STK3: variants seen among roughly 807,000 people sequenced by gnomAD.
The protein encoded by STK3 is serine/threonine kinase 3.
Under a neutral mutation model 58.0 loss-of-function variants are expected in STK3, and 41 were observed. The ratio of observed to expected loss-of-function variants is 0.71; its 90% CI spans 0.55 to 0.92. STK3 has a LOEUF of 0.92. Ranked by LOEUF, STK3 falls within the 40% of genes least tolerant of loss-of-function variation. The pLI, the probability that STK3 is intolerant of heterozygous loss-of-function variation, is 0.00. For synonymous variants in STK3, 170 were observed against 191.0 expected, an observed-to-expected ratio of 0.89 and a Z score of 0.91; for missense variants, 479 against 602.7, an observed-to-expected ratio of 0.79 and a Z score of 2.15.
At chr8:98,849,801 C>T (rs1321041240) in intron 3 of STK3, among the ~76,000 whole-genome samples, 2 of 152,054 alleles carry the variant, frequency 1.3e-5, no homozygotes, top group Non-Finnish European at 2.9e-5. Flanking sequence ...ATTTTTACTC[C>T]TTGTTCAATT....
At chr8:98,401,895 C>A (rs116800711) in intron 3 of STK3, among the ~76,000 whole-genome samples, 1 of 152,024 alleles carries the variant, frequency 6.6e-6, no homozygotes, top group African/African-American at 2.4e-5. Flanking sequence ...AGGTTACAGA[C>A]GAGCAATTAT....
intron 10 of STK3, among the ~76,000 whole-genome samples, chr8:98,460,476 G>A (rs963414514): frequency 2.6e-5 from 4 of 152,308 alleles, no homozygotes; most frequent in South Asian, 4.2e-4. Flanking sequence ...GAGTTAACAC[G>A]TTGGGGAACT....
chr8:98,834,643 G>A (rs764705236), intron 3 of STK3, among the ~76,000 whole-genome samples: 15 of 152,284 alleles, frequency 9.9e-5, no homozygotes, highest in African/African-American at 1.9e-4. Flanking sequence ...ATTTTCCCCC[G>A]TGTCTTCACA....
chr8:98,891,624 TGTGA>T (rs1321790641), intron 1 of STK3, among the ~76,000 whole-genome samples: 1 of 138,568 alleles, frequency 7.2e-6, no homozygotes, highest in Non-Finnish European at 1.6e-5. Context: ...TGTGTGTGTG[TGTGA>T]GAGAGAGAGA....
chr8:98,777,827 T>C (rs1232404059), intron 1 of STK3, among the ~76,000 whole-genome samples: 1 of 152,222 alleles, frequency 6.6e-6, no homozygotes, highest in Non-Finnish European at 1.5e-5. Flanking sequence ...GCTAGCCATA[T>C]GTAGAAAGCT....
At chr8:98,369,117 A>T (rs1272598568), downstream of STK3, among the ~76,000 whole-genome samples, 1 of 152,196 alleles carries the variant, frequency 6.6e-6, no homozygotes, top group Non-Finnish European at 1.5e-5. Context: ...TCAGGAAAGG[A>T]TGTGATAATT....
chr8:98,915,273 G>C (rs1839299553), intron 1 of STK3, among the ~76,000 whole-genome samples: 1 of 151,664 alleles, frequency 6.6e-6, no homozygotes. Flanking sequence ...TAACCTCCCG[G>C]ACTATATCTT....
chr8:98,712,073 A>C (rs1327402439), intron 4 of STK3, among the ~76,000 whole-genome samples: 1 of 152,186 alleles, frequency 6.6e-6, no homozygotes. Flanking sequence ...CTTTACAGAC[A>C]AGCAAAGGCT....
intron 1 of STK3, among the ~76,000 whole-genome samples, chr8:98,818,760 T>C (rs994022512): frequency 6.6e-6 from 1 of 152,226 alleles, no homozygotes; most frequent in Non-Finnish European, 1.5e-5. Flanking sequence ...ACTCCTATGA[T>C]GTACTTTCAG....
At chr8:98,473,267 C>G (rs1467911930) in intron 10 of STK3, among the ~76,000 whole-genome samples, 4 of 152,262 alleles carry the variant, frequency 2.6e-5, no homozygotes, top group South Asian at 4.1e-4. Flanking sequence ...AATTCGCATA[C>G]CTGCCTCCGA....
chr8:98,380,961 TC>T (rs1289335942), intron 1 of STK3, among the ~76,000 whole-genome samples: 5 of 121,366 alleles, frequency 4.1e-5, no homozygotes, highest in Non-Finnish European at 8.4e-5. Context: ...TTTCTCTCTC[TC>T]CTTTTTTTTT....
At chr8:98,390,330 C>T (rs1235729891), upstream of STK3, among the ~76,000 whole-genome samples, 1 of 152,112 alleles carries the variant, frequency 6.6e-6, no homozygotes, top group Non-Finnish European at 1.5e-5. Flanking sequence ...TCTTTTCTTT[C>T]AGCACTTGAA....
At position 98,894,255 on chromosome 8, in the gene STK3, A is replaced by C. The variant is rs567441991; in HGVS notation, c.-78-10421T>G. Among the ~76,000 whole-genome samples the C allele has an allele frequency of 3.9e-5, 6 of 152,276 alleles. No individual in the cohort carries two copies. In the South Asian group the frequency reaches 1.0e-3, roughly 26 times the overall value. On this transcript the variant is annotated intron_variant, in intron 1 of 1. Coordinates refer to the STK3 transcript ENST00000519420. ...CCTCATAAACAGAATCCACCCCCAC[A>C]TATTTCATTGTCTGTAGGACATTTT...
intron 1 of STK3, chr8:98,379,349 A>G (rs1190122870): frequency 1.3e-5 from 2 of 152,256 alleles, no homozygotes; most frequent in Non-Finnish European, 2.9e-5. Context: ...CCTTTACAGA[A>G]TAATTAGCTT....
intron 6 of STK3, among the ~76,000 whole-genome samples, chr8:98,684,836 T>C (rs982321280): frequency 2.6e-5 from 4 of 152,182 alleles, no homozygotes; most frequent in Non-Finnish European, 5.9e-5. Flanking sequence ...AAAATCAATG[T>C]AATGGATTTG....
At chr8:98,603,045 A>C (rs1366904030) in intron 6 of STK3, among the ~76,000 whole-genome samples, 2 of 152,158 alleles carry the variant, frequency 1.3e-5, no homozygotes, top group Non-Finnish European at 2.9e-5. Flanking sequence ...AAAGGTCAAA[A>C]TAGGAAAATC....
intron 9 of STK3, among the ~76,000 whole-genome samples, chr8:98,543,065 C>A (rs1222759598): frequency 6.6e-6 from 1 of 152,048 alleles, no homozygotes; most frequent in Non-Finnish European, 1.5e-5. Flanking sequence ...GAGATGGGAG[C>A]CTATTAGAGG....
chr8:98,829,437 G>A (rs1229718585), upstream of STK3, among the ~76,000 whole-genome samples: 1 of 152,166 alleles, frequency 6.6e-6, no homozygotes, highest in African/African-American at 2.4e-5. Flanking sequence ...GAAGTAGGAG[G>A]AATACTATCA....
At chr8:98,537,702 G>A (rs539830703) in intron 9 of STK3, among the ~76,000 whole-genome samples, 14 of 152,160 alleles carry the variant, frequency 9.2e-5, no homozygotes, top group Middle Eastern at 3.4e-3. Flanking sequence ...TAATTTTAAC[G>A]TTCAGAATTA....
Sources: gnomAD v4.1 joint callset for allele counts (sites outside exome capture counted in the v4.1 genomes callset) on GRCh38, gnomAD v4.1.1 for gene constraint, MANE v1.5 for transcripts, NCBI Gene and HGNC (gene_info 2026-07-23, HGNC 2026-07-21) for gene names.